ERMP1: variants seen among roughly 807,000 people sequenced by gnomAD.
ERMP1 encodes the protein Felix-ina.
ERMP1 carries 86 observed loss-of-function variants against 92.0 expected under a neutral mutation model. That is an observed-to-expected ratio of 0.93 (90% CI 0.79 to 1.12). ERMP1 has a LOEUF of 1.12. Among genes scored for constraint, ERMP1 ranks in the 50% most tolerant of loss-of-function variants. The pLI is 0.00. For synonymous variants in ERMP1, 530 were observed against 412.8 expected (o/e 1.28, Z -3.44); for missense variants, 1,342 against 1,116.3 (o/e 1.20, Z -2.88).
intron 4 of ERMP1, among the ~76,000 whole-genome samples, chr9:5,813,784 T>C (rs1479240511): frequency 6.6e-6 from 1 of 150,990 alleles, no homozygotes; most frequent in Non-Finnish European, 1.5e-5. Flanking sequence ...TTTCCATCTG[T>C]ATCTCATACA....
intron 13 of ERMP1, among the ~76,000 whole-genome samples, chr9:5,789,713 C>T (rs1175768651): frequency 6.6e-6 from 1 of 152,078 alleles, no homozygotes; most frequent in Non-Finnish European, 1.5e-5. Context: ...CAGCAGCCCA[C>T]TGCTCTATCG....
At chr9:5,816,397 TA>T (rs1304519465) in intron 4 of ERMP1, among the ~76,000 whole-genome samples, 1 of 152,248 alleles carries the variant, frequency 6.6e-6, no homozygotes, top group Non-Finnish European at 1.5e-5. Context: ...TTTTTCTCTT[TA>T]TTCTGATAAT....
intron 6 of ERMP1, among the ~76,000 whole-genome samples, chr9:5,842,585 A>G (rs1830180370): frequency 6.6e-6 from 1 of 152,216 alleles, no homozygotes; most frequent in South Asian, 2.1e-4. Flanking sequence ...TTTCACCTCA[A>G]TCAGAAACAA....
intron 6 of ERMP1, chr9:5,856,058 G>T: frequency 2.6e-6 from 1 of 388,334 alleles, no homozygotes; most frequent in South Asian, 2.4e-5. Flanking sequence ...GCTGCAAGGA[G>T]GGTGAATCCA....
chr9:5,853,831 C>G (rs990340431), intron 6 of ERMP1, among the ~76,000 whole-genome samples: 1 of 150,614 alleles, frequency 6.6e-6, no homozygotes, highest in Non-Finnish European at 1.5e-5. Flanking sequence ...CTAACACGCT[C>G]TCTAGATGTA....
chr9:5,822,881 T>G (rs1432241871), intron 4 of ERMP1, among the ~76,000 whole-genome samples: 2 of 152,244 alleles, frequency 1.3e-5, no homozygotes, highest in Non-Finnish European at 2.9e-5. Context: ...CGATGAGGCT[T>G]GAGCAGTAGG....
At chr9:5,825,017 T>C (rs1266693132) in intron 3 of ERMP1, 75 bp downstream of exon 3, 7 of 1,441,128 alleles carry the variant, frequency 4.9e-6, no homozygotes, top group Non-Finnish European at 6.7e-6. Context: ...ATTTACTATT[T>C]AGTAAATAAT....
intron 5 of ERMP1, among the ~76,000 whole-genome samples, chr9:5,863,166 T>C (rs1830553165): frequency 6.6e-6 from 1 of 152,228 alleles, no homozygotes; most frequent in African/African-American, 2.4e-5. Context: ...ACTGCCAGTT[T>C]AAAGGCCTCA....
chr9:5,866,018 G>T (rs532579179), intron 5 of ERMP1, among the ~76,000 whole-genome samples: 11 of 152,024 alleles, frequency 7.2e-5, no homozygotes, highest in African/African-American at 2.4e-4. Context: ...GGCAGTAAGT[G>T]TGTTACTTTT....
intron 6 of ERMP1, among the ~76,000 whole-genome samples, chr9:5,846,792 A>C (rs966791177): frequency 2.0e-5 from 3 of 152,104 alleles, no homozygotes; most frequent in Admixed American, 2.0e-4. Flanking sequence ...AGGATGGAGG[A>C]CTTGTTTGTG....
At chr9:5,825,270 T>C (rs1389301308) in intron 2 of ERMP1, 51 bp from the exon 3 acceptor site, 3 of 1,563,128 alleles carry the variant, frequency 1.9e-6, no homozygotes, top group East Asian at 2.3e-5. Flanking sequence ...ATGTTTACAA[T>C]ATGACCCATT....
At chr9:5,800,462 G>A (rs1563751861) in intron 11 of ERMP1, among the ~76,000 whole-genome samples, 1 of 152,100 alleles carries the variant, frequency 6.6e-6, no homozygotes, top group Non-Finnish European at 1.5e-5. Context: ...GATCACCTGA[G>A]GTCAGGAATT....
chr9:5,825,904 A>C (rs1189052353), intron 2 of ERMP1, among the ~76,000 whole-genome samples: 1 of 152,224 alleles, frequency 6.6e-6, no homozygotes, highest in African/African-American at 2.4e-5. Context: ...TATAAAGATG[A>C]CTTAACTGTC....
At chr9:5,787,620 G>C in intron 13 of ERMP1, 27 bp from the exon 14 acceptor site, 1 of 1,590,502 alleles carries the variant, frequency 6.3e-7, no homozygotes, top group African/African-American at 1.4e-5. Flanking sequence ...AGAAAGAACA[G>C]TTAATCTTTT....
intron 2 of ERMP1, 138 bp from the exon 3 acceptor site, chr9:5,825,357 C>G (rs1031519971): frequency 1.5e-5 from 12 of 810,446 alleles, no homozygotes; most frequent in African/African-American, 1.0e-4. Flanking sequence ...CTGTCATCAT[C>G]AGGTGACAAT....
In ERMP1 at chr9:5,795,469, T is replaced by C. The variant is rs1046701249; in HGVS notation, c.2386+2348A>G. ...ATAAAACTGTCTGCAGATGATAAGA[T>C]TGTCTATTCATAGAATCTTAAAAGA... On this transcript the variant is annotated intron_variant, in intron 13 of 14. Transcript: ENST00000339450. 1.1e-3 allele frequency among the ~76,000 whole-genome samples: 175 copies of C among 152,280 alleles called. 1 individual carries two copies. Among genetic ancestry groups the C allele is most frequent in the African/African-American group, 3.8e-3 (157 of 41,536 alleles).
Position 5,801,224 on chromosome 9 carries a change from T to A in ERMP1, c.2019A>T (p.Pro673=). ...TCGGATTAGCAGGATTGGAGCTATA[T>A]GGAAAAAATGTTCCACTGCAAACAA... is the stretch of plus-strand genomic sequence containing the variant. The part of the protein sequence containing the change: ...FLLVCSGTFF[P]YSSNPANPKP... The change falls in exon 11 of 15, where the codon CCA becomes CCT. Residue 673 remains proline, a synonymous_variant. Transcript: ENST00000339450. 2 of 1,613,852 alleles carry A rather than the reference T, an allele frequency of 1.2e-6. No individual in the cohort carries two copies. Among genetic ancestry groups the A allele is most frequent in the South Asian group, 2.2e-5 (2 of 91,008 alleles).
chr9:5,866,547 C>A lies in ERMP1; in HGVS notation n.3055+1255G>T, dbSNP rs569029777. ...AATCACTTGTACACAGATTATCTCA[C>A]CTCCCTCTCAACCACTCCAAAAGAC... On this transcript the variant is annotated intron_variant and non_coding_transcript_variant, in intron 5 of 6. Coordinates refer to the ERMP1 transcript ENST00000690753. 1.2e-4 allele frequency among the ~76,000 whole-genome samples: 19 copies of A among 152,286 alleles called. No homozygotes were observed. The East Asian group carries it at 3.3e-3, about 26-fold the overall frequency.
intron 6 of ERMP1, among the ~76,000 whole-genome samples, chr9:5,838,834 A>G (rs1586833807): frequency 6.6e-6 from 1 of 152,344 alleles, no homozygotes; most frequent in African/African-American, 2.4e-5. Context: ...GGAAATAGAT[A>G]AGAATATACT....
Sources: gnomAD v4.1 joint callset for allele counts (sites outside exome capture counted in the v4.1 genomes callset) on GRCh38, gnomAD v4.1.1 for gene constraint, MANE v1.5 for transcripts, NCBI Gene and HGNC (gene_info 2026-07-23, HGNC 2026-07-21) for gene names.